Variants in BLNK observed in about 807,000 individuals in gnomAD.
The protein encoded by BLNK is B-cell linker protein.
In BLNK, 29 loss-of-function variants were observed where a neutral mutation model predicts 73.5. The ratio of observed to expected loss-of-function variants is 0.39; its 90% CI spans 0.29 to 0.54. The LOEUF is 0.54. Among genes scored for constraint, BLNK ranks in the 20% least tolerant of loss-of-function variants. BLNK has a pLI of 0.61. For missense variants in BLNK, 460 were observed against 562.8 expected, an observed-to-expected ratio of 0.82 and a Z score of 1.85; for synonymous variants, 176 against 200.8, an observed-to-expected ratio of 0.88 and a Z score of 1.04.
chr10:96,198,268 G>GA (rs1278292671), intron 15 of BLNK, among the ~76,000 whole-genome samples: 2 of 152,082 alleles, frequency 1.3e-5, no homozygotes, highest in Admixed American at 6.5e-5. Flanking sequence ...AGTGATGGGA[G>GA]AAAAAATGAC....
chr10:96,250,955 A>G (rs558472509), intron 1 of BLNK, among the ~76,000 whole-genome samples: 34 of 152,376 alleles, frequency 2.2e-4, no homozygotes, highest in African/African-American at 7.7e-4. Context: ...CATGCAAACA[A>G]TGTGTAATGA....
intron 1 of BLNK, among the ~76,000 whole-genome samples, chr10:96,251,407 A>C (rs1039802014): frequency 6.6e-6 from 1 of 152,214 alleles, no homozygotes; most frequent in East Asian, 1.9e-4. Context: ...CTGTTCCAGG[A>C]GGGGTTGTTC....
intron 3 of BLNK, among the ~76,000 whole-genome samples, chr10:96,240,229 C>G (rs1323665688): frequency 6.6e-6 from 1 of 152,118 alleles, no homozygotes; most frequent in Non-Finnish European, 1.5e-5. Flanking sequence ...ATGTTGTTCC[C>G]CACTCCAGAT....
Position 96,189,443 on chromosome 10 carries a change from C to T in BLNK, c.*2530G>A. The T allele has an allele frequency of 1.6e-6, 1 of 613,380 alleles. No homozygotes were observed. Among genetic ancestry groups the T allele is most frequent in the Non-Finnish European group, 3.1e-6 (1 of 324,518 alleles). 38.0% of individuals were successfully genotyped at this position (613,380 alleles called of 1,614,324 possible). A position where few individuals can be genotyped will look rare whatever the true frequency, so the allele number is the denominator to read the frequency against. On this transcript the variant is annotated 3_prime_UTR_variant, in exon 17 of 17. Coordinates refer to ENST00000224337, the MANE Select transcript of BLNK (RefSeq NM_013314.4). ...AGCAATTCTTCACATAATTGATGAA[C>T]TTGGCTTCCACTTTGGGAAGAGAAC...
chr10:96,215,455 C>T (rs753300051), intron 7 of BLNK, 66 bp from the exon 8 acceptor site: 50 of 1,442,772 alleles, frequency 3.5e-5, no homozygotes, highest in African/African-American at 8.7e-5. Context: ...CAGATACATG[C>T]CATTGAGGAA....
chr10:96,253,761 A>C (rs1327861030), intron 1 of BLNK, among the ~76,000 whole-genome samples: 3 of 152,136 alleles, frequency 2.0e-5, no homozygotes, highest in Non-Finnish European at 4.4e-5. Context: ...CACGCCTGTA[A>C]TCCCAGCACT....
Position 96,206,967 on chromosome 10 carries a change from A to G in BLNK, c.817+44T>C, listed in dbSNP as rs782051239. 2.4e-5 allele frequency: 38 copies of G among 1,580,808 alleles called. No individual in the cohort carries two copies. In the South Asian group the frequency reaches 3.4e-4, roughly 14 times the overall value. On this transcript the variant is annotated intron_variant, in intron 11 of 16. Coordinates refer to ENST00000224337, the MANE Select transcript of BLNK (RefSeq NM_013314.4). Reference sequence around the variant, plus strand: ...TGTACATACAAATCCTTAATAAAATAACTTTTAGAGGACATGCTCATCCTT... The same window carrying G: ...TGTACATACAAATCCTTAATAAAATGACTTTTAGAGGACATGCTCATCCTT...
intron 13 of BLNK, among the ~76,000 whole-genome samples, chr10:96,202,975 C>T (rs1179781210): frequency 6.6e-6 from 1 of 152,214 alleles, no homozygotes; most frequent in Non-Finnish European, 1.5e-5. Context: ...TACTCTCTGC[C>T]ACCCACCCCT....
At chr10:96,195,454 G>A (rs1317999728) in intron 16 of BLNK, among the ~76,000 whole-genome samples, 2 of 152,144 alleles carry the variant, frequency 1.3e-5, no homozygotes, top group Non-Finnish European at 2.9e-5. Context: ...GTGGTATATA[G>A]ATACAATGAG....
chr10:96,235,174 C>A (rs1554904864), intron 3 of BLNK, among the ~76,000 whole-genome samples: 1 of 152,206 alleles, frequency 6.6e-6, no homozygotes, highest in Non-Finnish European at 1.5e-5. Context: ...AACTTAGAAT[C>A]CTTATTCTGC....
rs565938510 is a variant in BLNK, at chr10:96,263,659, TAAG to T, written c.47+7690_47+7692del. ...GGACAGGTAGGAAAAGGTGGTGAAA[TAAG>T]GAGGAGGAGGGGCTTGTGGGGAGGG... On this transcript the variant is annotated intron_variant, in intron 1 of 16. Coordinates refer to ENST00000224337, the MANE Select transcript of BLNK (RefSeq NM_013314.4). 2.6e-5 allele frequency among the ~76,000 whole-genome samples: 4 copies of T among 151,860 alleles called. No individual in the cohort carries two copies. The South Asian group carries it at 6.3e-4, about 24-fold the overall frequency.
intron 6 of BLNK, among the ~76,000 whole-genome samples, chr10:96,220,278 T>C (rs764061461): frequency 2.0e-5 from 3 of 152,098 alleles, no homozygotes; most frequent in South Asian, 2.1e-4. Context: ...CACGTGTCCA[T>C]GTCATTAATC....
At chr10:96,237,278 A>G (rs1554905269) in intron 3 of BLNK, among the ~76,000 whole-genome samples, 4 of 152,218 alleles carry the variant, frequency 2.6e-5, no homozygotes, top group Non-Finnish European at 5.9e-5. Flanking sequence ...AAGGATTGTT[A>G]TGCATACCCC....
chr10:96,201,205 AGGACCCCT>A, intron 13 of BLNK, 147 bp from the exon 14 acceptor site: 1 of 716,580 alleles, frequency 1.4e-6, no homozygotes, highest in Non-Finnish European at 2.4e-6. Context: ...GTGTGGTCCA[AGGACCCCT>A]GGAAATCTCG....
chr10:96,224,095 G>T, intron 5 of BLNK, 106 bp from the exon 6 acceptor site: 1 of 1,311,834 alleles, frequency 7.6e-7, no homozygotes, highest in Non-Finnish European at 1.1e-6. Context: ...TGTCTATGTA[G>T]CCACAAATGA....
At chr10:96,259,295 G>A (rs577768830) in intron 1 of BLNK, among the ~76,000 whole-genome samples, 1 of 152,336 alleles carries the variant, frequency 6.6e-6, no homozygotes, top group African/African-American at 2.4e-5. Flanking sequence ...CTAGAGGGGA[G>A]CGTCAGCTCT....
chr10:96,253,146 A>C (rs1554909704), intron 1 of BLNK, among the ~76,000 whole-genome samples: 1 of 152,180 alleles, frequency 6.6e-6, no homozygotes, highest in East Asian at 1.9e-4. Flanking sequence ...ATTTTACACA[A>C]CTAAGATCAC....
intron 8 of BLNK, among the ~76,000 whole-genome samples, chr10:96,212,186 G>A (rs1262907271): frequency 2.0e-5 from 3 of 152,114 alleles, no homozygotes; most frequent in African/African-American, 7.2e-5. Context: ...GGACACTGGT[G>A]GAAAGCCTAT....
chr10:96,270,775 G>A (rs1290138562), intron 1 of BLNK, among the ~76,000 whole-genome samples: 2 of 152,076 alleles, frequency 1.3e-5, no homozygotes, highest in African/African-American at 2.4e-5. Context: ...CTTGACTCAC[G>A]CCCATGGGGC....
Sources: gnomAD v4.1 joint callset for allele counts (sites outside exome capture counted in the v4.1 genomes callset) on GRCh38, gnomAD v4.1.1 for gene constraint, MANE v1.5 for transcripts, NCBI Gene and HGNC (gene_info 2026-07-23, HGNC 2026-07-21) for gene names.